The following DZIP3 variants were observed in gnomAD, a reference collection of about 807,000 sequenced individuals.
DZIP3 encodes the protein E3 ubiquitin-protein ligase DZIP3.
In DZIP3, 118 loss-of-function variants were observed where a neutral mutation model predicts 162.0. The observed-to-expected ratio is 0.73, with a 90% CI of 0.63 to 0.85. DZIP3 has a LOEUF of 0.85. DZIP3 is among the 40% of genes least tolerant of loss of function. The pLI is 0.00. For synonymous variants in DZIP3, 438 were observed against 458.6 expected (o/e 0.96, Z 0.57); for missense variants, 1,331 against 1,407.0 (o/e 0.95, Z 0.86).
Position 108,688,891 on chromosome 3 carries a change from A to G in DZIP3, c.3483A>G (p.Ser1161=), listed in dbSNP as rs144382563. The G allele has an allele frequency of 8.5e-5, 138 of 1,614,056 alleles. No individual in the cohort carries two copies. The highest frequency in any genetic ancestry group is 5.8e-5 in the Non-Finnish European group (68 of 1,180,038). Reference sequence around the variant, plus strand: ...AGAATCTGTCTCCAGAAAATCTTTCAGTTTTGCCTTGCGCTCACAAATTCC... The same window carrying G: ...AGAATCTGTCTCCAGAAAATCTTTCGGTTTTGCCTTGCGCTCACAAATTCC... ...CHENLSPENL[S]VLPCAHKFHA... is the part of the protein sequence containing the mutation. The change falls in exon 31 of 33, where the codon TCA becomes TCG. Residue 1161 remains serine, a synonymous_variant. Transcript: ENST00000361582.
intron 5 of DZIP3, among the ~76,000 whole-genome samples, chr3:108,619,593 G>A (rs1382473300): frequency 1.2e-4 from 18 of 151,878 alleles, no homozygotes; most frequent in Admixed American, 7.2e-4. Flanking sequence ...CAAGCAGGCC[G>A]GAAGCAAAAA....
chr3:108,589,702 TAGG>T (rs1939265339), upstream of DZIP3: 3 of 241,616 alleles, frequency 1.2e-5, no homozygotes, highest in Non-Finnish European at 8.3e-6. Context: ...AGGAATCGGT[TAGG>T]AGAAGGGGGA....
At chr3:108,652,674 C>G (rs1161541161) in intron 18 of DZIP3, among the ~76,000 whole-genome samples, 1 of 151,872 alleles carries the variant, frequency 6.6e-6, no homozygotes, top group Non-Finnish European at 1.5e-5. Context: ...CTGACTCACC[C>G]AGAGCACTGT....
intron 3 of DZIP3, among the ~76,000 whole-genome samples, chr3:108,610,795 A>G (rs1351469474): frequency 6.6e-6 from 1 of 152,204 alleles, no homozygotes; most frequent in Non-Finnish European, 1.5e-5. Flanking sequence ...CCTGAAGATT[A>G]TTACTATTTA....
Position 108,624,530 on chromosome 3 carries a change from TA to T in DZIP3, c.456+8del. The T allele has an allele frequency of 2.0e-6, 3 of 1,501,258 alleles. No individual in the cohort carries two copies. The South Asian group carries it at 3.6e-5, about 18-fold the overall frequency. 93.0% of individuals were successfully genotyped at this position (1,501,258 alleles called of 1,614,324 possible). A position where few individuals can be genotyped will look rare whatever the true frequency, so the allele number is the denominator to read the frequency against. ...CTGAAAGAGGAAAGAAAGAGGTATG[TA>T]ACATGTTATTTGCCCTTTATAAATC... On this transcript the variant is annotated splice_region_variant and intron_variant, in intron 6 of 32. Transcript: ENST00000361582.
chr3:108,629,285 C>A, intron 8 of DZIP3, 109 bp downstream of exon 8: 3 of 709,274 alleles, frequency 4.2e-6, no homozygotes, highest in East Asian at 2.9e-5. Context: ...ACTTTTTATA[C>A]AAGAAACAAC....
chr3:108,634,957 A>G lies in DZIP3; in HGVS notation c.903A>G (p.Pro301=). The change falls in exon 10 of 33, where the codon CCA becomes CCG. Residue 301 remains proline, a synonymous_variant. Coordinates refer to ENST00000361582, the MANE Select transcript of DZIP3 (RefSeq NM_014648.4). ...CWKKFKNLKY[P]GENDQSFSGK... The stretch of plus-strand genomic sequence containing the variant: ...AAAAGTTCAAGAATTTAAAGTATCC[A>G]GGTGAAAATGATCAGGTATTATATT... 1 of 1,601,958 alleles carries G rather than the reference A, an allele frequency of 6.2e-7. No homozygotes were observed. Among genetic ancestry groups the G allele is most frequent in the Non-Finnish European group, 8.5e-7 (1 of 1,170,720 alleles).
chr3:108,615,802 G>T (rs1484647402), intron 4 of DZIP3, among the ~76,000 whole-genome samples: 1 of 152,178 alleles, frequency 6.6e-6, no homozygotes, highest in Non-Finnish European at 1.5e-5. Context: ...GTTTACCCTT[G>T]TATTGGTATT....
chr3:108,619,302 A>ATG (rs35589891), intron 5 of DZIP3, among the ~76,000 whole-genome samples: 34,276 of 148,102 alleles, frequency 0.23, 4,071 homozygotes, highest in East Asian at 0.45. Context: ...ATATGTGTGT[A>ATG]TGTGTGTGTG....
At chr3:108,667,960 T>C (rs758542338) in intron 21 of DZIP3, among the ~76,000 whole-genome samples, 1 of 152,124 alleles carries the variant, frequency 6.6e-6, no homozygotes, top group African/African-American at 2.4e-5. Flanking sequence ...TGTTCTCATA[T>C]AAGCTTTTGA....
At chr3:108,607,994 T>G in intron 2 of DZIP3, 95 bp from the exon 3 acceptor site, 1 of 1,114,176 alleles carries the variant, frequency 9.0e-7, no homozygotes, top group South Asian at 1.3e-5. Flanking sequence ...GGTTACACTT[T>G]CAGACAATAA....
intron 12 of DZIP3, among the ~76,000 whole-genome samples, chr3:108,640,392 T>C (rs1169609819): frequency 1.4e-5 from 2 of 139,168 alleles, no homozygotes; most frequent in Non-Finnish European, 3.1e-5. Context: ...TCTAGAATTG[T>C]TACCTTTTTT....
chr3:108,605,258 T>C, intron 1 of DZIP3, 77 bp from the exon 2 acceptor site: 1 of 1,072,560 alleles, frequency 9.3e-7, no homozygotes, highest in Non-Finnish European at 1.4e-6. Context: ...TTTCTTCAAA[T>C]GATCACGTTC....
At chr3:108,601,507 G>A (rs951798610) in intron 1 of DZIP3, among the ~76,000 whole-genome samples, 4 of 152,160 alleles carry the variant, frequency 2.6e-5, no homozygotes, top group African/African-American at 7.2e-5. Context: ...GTAGCGTGGA[G>A]AAAAGTATGA....
chr3:108,648,483 G>T (rs1027264417), intron 16 of DZIP3: 1 of 167,450 alleles, frequency 6.0e-6, no homozygotes, highest in African/African-American at 2.4e-5. Flanking sequence ...AACCATTTGC[G>T]CAGAGGTAGA....
intron 1 of DZIP3, among the ~76,000 whole-genome samples, chr3:108,604,776 A>T (rs751343381): frequency 9.9e-5 from 15 of 152,240 alleles, no homozygotes; most frequent in Non-Finnish European, 2.1e-4. Context: ...GAACTCATAT[A>T]TACCTCATGG....
chr3:108,662,629 A>G (rs981576392), intron 21 of DZIP3, among the ~76,000 whole-genome samples: 4 of 152,196 alleles, frequency 2.6e-5, no homozygotes, highest in Non-Finnish European at 5.9e-5. Flanking sequence ...AGTTGAGTGT[A>G]TTTTTATGTT....
At chr3:108,680,498 G>T (rs918541316) in intron 26 of DZIP3, among the ~76,000 whole-genome samples, 1 of 151,928 alleles carries the variant, frequency 6.6e-6, no homozygotes, top group African/African-American at 2.4e-5. Flanking sequence ...TACTAATAGT[G>T]AACAGTCTGA....
At chr3:108,658,738 C>T (rs1465754827) in intron 19 of DZIP3, among the ~76,000 whole-genome samples, 29 of 151,484 alleles carry the variant, frequency 1.9e-4, no homozygotes, top group African/African-American at 6.1e-4. Context: ...ATTGATAGAC[C>T]GCTAGCAAGA....
Sources: gnomAD v4.1 joint callset for allele counts (sites outside exome capture counted in the v4.1 genomes callset) on GRCh38, gnomAD v4.1.1 for gene constraint, MANE v1.5 for transcripts, NCBI Gene and HGNC (gene_info 2026-07-23, HGNC 2026-07-21) for gene names.